Variants in ADARB2 observed in about 807,000 individuals in gnomAD.
The protein encoded by ADARB2 is inactive double-stranded RNA-specific editase B2.
Under a neutral mutation model 62.2 loss-of-function variants are expected in ADARB2, and 25 were observed. That is an observed-to-expected ratio of 0.40 (90% CI 0.29 to 0.56). The LOEUF (loss-of-function observed/expected upper bound fraction) is 0.56. Among genes scored for constraint, ADARB2 ranks in the 20% least tolerant of loss-of-function variants. ADARB2 has a pLI of 0.43. For synonymous variants in ADARB2, 572 were observed against 500.8 expected (o/e 1.14, Z -1.90); for missense variants, 1,071 against 1,077.4 (o/e 0.99, Z 0.08).
intron 1 of ADARB2, among the ~76,000 whole-genome samples, chr10:1,543,257 T>C (rs967001645): frequency 1.3e-5 from 2 of 152,224 alleles, no homozygotes; most frequent in Non-Finnish European, 2.9e-5. Flanking sequence ...TCTGGAGGGC[T>C]GCGCCAGGTC....
chr10:1,184,763 C>T (rs1435098085), intron 9 of ADARB2, 98 bp downstream of exon 9: 3 of 1,359,250 alleles, frequency 2.2e-6, no homozygotes, highest in Non-Finnish European at 2.0e-6. Flanking sequence ...CATCTCCCTC[C>T]CTGCAGACCA....
chr10:1,450,053 C>T lies in ADARB2; in HGVS notation c.101-70893G>A, dbSNP rs144267583. 8.3e-3 allele frequency among the ~76,000 whole-genome samples: 1,264 copies of T among 152,264 alleles called. 18 individuals carry two copies. Among genetic ancestry groups the T allele is most frequent in the African/African-American group, 0.029 (1,194 of 41,558 alleles). ...TGGAAGGAGGCTGCCGCCAGTATGA[C>T]GCTTGAAGGTGGCCACCCTGCCCTC... On this transcript the variant is annotated intron_variant, in intron 1 of 9. Transcript: ENST00000381312.
chr10:1,354,323 A>C (rs1832173303), intron 3 of ADARB2, among the ~76,000 whole-genome samples: 1 of 152,114 alleles, frequency 6.6e-6, no homozygotes, highest in African/African-American at 2.4e-5. Context: ...TTACTTTGTG[A>C]AATTCCTTCT....
intron 1 of ADARB2, among the ~76,000 whole-genome samples, chr10:1,481,640 C>CCA (rs71379131): frequency 6.6e-6 from 1 of 151,948 alleles, no homozygotes. Flanking sequence ...GTGCGGATCA[C>CCA]GAGGTCAGGA....
intron 1 of ADARB2, among the ~76,000 whole-genome samples, chr10:1,628,323 G>A (rs1168693215): frequency 4.6e-5 from 7 of 152,208 alleles, no homozygotes; most frequent in Admixed American, 1.3e-4. Flanking sequence ...GCTTTCTACC[G>A]ATGTTAGGCT....
intron 1 of ADARB2, among the ~76,000 whole-genome samples, chr10:1,619,972 CAAG>C (rs1325448231): frequency 6.6e-6 from 1 of 151,544 alleles, no homozygotes; most frequent in Non-Finnish European, 1.5e-5. Context: ...AAAGGAAAAA[CAAG>C]AAAAATAAGA....
At chr10:1,373,371 C>T (rs1418183745) in intron 2 of ADARB2, among the ~76,000 whole-genome samples, 1 of 152,106 alleles carries the variant, frequency 6.6e-6, no homozygotes, top group Non-Finnish European at 1.5e-5. Context: ...GTAAAGGCTC[C>T]TCAGAGTCAC....
rs570247868 is a variant in ADARB2 at position 1,707,214 on chromosome 10, G to A, written c.100+29837C>T. Among the ~76,000 whole-genome samples, 7 of 152,302 alleles carry A rather than the reference G, an allele frequency of 4.6e-5. No individual in the cohort carries two copies. The South Asian group carries it at 1.5e-3, about 32-fold the overall frequency. On this transcript the variant is annotated intron_variant, in intron 1 of 9. Coordinates refer to ENST00000381312, the MANE Select transcript of ADARB2 (RefSeq NM_018702.4). ...GCGCACAGCTCAGCACCGCGGCCCC[G>A]ATCTGCCCAGGACCTGCCCATAGGC...
At chr10:1,501,657 G>A (rs61831917) in intron 1 of ADARB2, among the ~76,000 whole-genome samples, 18 of 152,088 alleles carry the variant, frequency 1.2e-4, no homozygotes, top group Non-Finnish European at 2.6e-4. Flanking sequence ...AAAACAGCTC[G>A]AATATATTGC....
chr10:1,421,331 G>A (rs1262316266), intron 1 of ADARB2, among the ~76,000 whole-genome samples: 1 of 151,834 alleles, frequency 6.6e-6, no homozygotes, highest in Non-Finnish European at 1.5e-5. Context: ...TCAGCTGTGA[G>A]GAGATTAAAG....
chr10:1,225,383 T>C (rs941075237), intron 6 of ADARB2, among the ~76,000 whole-genome samples: 1 of 152,218 alleles, frequency 6.6e-6, no homozygotes, highest in African/African-American at 2.4e-5. Flanking sequence ...AGTCTGTGCC[T>C]TTTAATTGGA....
At position 1,378,941 on chromosome 10, in the gene ADARB2, A is replaced by G. The variant is rs986284660; in HGVS notation, c.187+133T>C. The G allele has an allele frequency of 1.7e-5, 12 of 705,930 alleles. No individual in the cohort carries two copies. The African/African-American group carries it at 1.9e-4, about 11-fold the overall frequency. 43.7% of individuals were successfully genotyped at this position (705,930 alleles called of 1,614,324 possible). Reference sequence around the variant, plus strand: ...ATTCTGTGGAGGAATGAGAGCAGATACTGTCTCTCCAGGTAAGACCAAACA... The same window carrying G: ...ATTCTGTGGAGGAATGAGAGCAGATGCTGTCTCTCCAGGTAAGACCAAACA... On this transcript the variant is annotated intron_variant, in intron 2 of 9. Coordinates refer to ENST00000381312, the MANE Select transcript of ADARB2 (RefSeq NM_018702.4).
At chr10:1,222,477 T>TG in intron 6 of ADARB2, among the ~76,000 whole-genome samples, 1 of 150,762 alleles carries the variant, frequency 6.6e-6, no homozygotes, top group East Asian at 1.9e-4. Context: ...GTTTTAGACA[T>TG]GAAGTCCTTG....
At chr10:1,429,150 G>C (rs1482130593) in intron 1 of ADARB2, among the ~76,000 whole-genome samples, 1 of 152,216 alleles carries the variant, frequency 6.6e-6, no homozygotes, top group African/African-American at 2.4e-5. Flanking sequence ...CCGGGTATGA[G>C]GTATGTGGGC....
At chr10:1,579,772 C>T (rs970293891) in intron 1 of ADARB2, among the ~76,000 whole-genome samples, 48 of 152,290 alleles carry the variant, frequency 3.2e-4, no homozygotes, top group African/African-American at 1.1e-3. Context: ...CTGAGGTTAC[C>T]GCTGGTGACT....
At chr10:1,196,195 C>T (rs889738244) in intron 8 of ADARB2, among the ~76,000 whole-genome samples, 1 of 145,168 alleles carries the variant, frequency 6.9e-6, no homozygotes, top group African/African-American at 2.7e-5. Context: ...ACTTTTTAAT[C>T]CTTCTTTTGC....
chr10:1,567,746 A>G (rs966140929), intron 1 of ADARB2, among the ~76,000 whole-genome samples: 15 of 151,852 alleles, frequency 9.9e-5, no homozygotes, highest in East Asian at 5.8e-4. Context: ...CCTCACCACT[A>G]TCTTCCTCAC....
At chr10:1,440,474 A>T (rs1426149871) in intron 1 of ADARB2, among the ~76,000 whole-genome samples, 1 of 146,472 alleles carries the variant, frequency 6.8e-6, no homozygotes, top group African/African-American at 2.5e-5. Flanking sequence ...TGGCTCAGAG[A>T]TTGCTTTTTG....
chr10:1,572,947 C>T (rs1323300284), intron 1 of ADARB2, among the ~76,000 whole-genome samples: 3 of 152,210 alleles, frequency 2.0e-5, no homozygotes, highest in East Asian at 1.9e-4. Context: ...TTTCCTGCAG[C>T]GGTGACCTTT....
Sources: allele counts gnomAD v4.1 joint callset (sites outside exome capture counted in the v4.1 genomes callset), GRCh38; gene constraint gnomAD v4.1.1; transcripts MANE v1.5; gene names NCBI Gene and HGNC (gene_info 2026-07-23, HGNC 2026-07-21).